NMNAT3: variants seen among roughly 807,000 people sequenced by gnomAD.
NMNAT3 encodes the protein nicotinamide/nicotinic acid mononucleotide adenylyltransferase 3.
Under a neutral mutation model 24.8 loss-of-function variants are expected in NMNAT3, and 21 were observed. The observed-to-expected ratio is 0.85, with a 90% CI of 0.60 to 1.22. NMNAT3 has a LOEUF of 1.22. Ranked by LOEUF, NMNAT3 falls within the 50% of genes most tolerant of loss-of-function variation. The pLI is 0.00. For missense variants in NMNAT3, 387 were observed against 436.6 expected (o/e 0.89, Z 1.01); for synonymous variants, 136 against 155.2 (o/e 0.88, Z 0.92).
chr3:139,576,189 C>T, intron 5 of NMNAT3: 1 of 985,376 alleles, frequency 1.0e-6, no homozygotes, highest in African/African-American at 1.7e-5. Flanking sequence ...GGATTTCTAC[C>T]ATGCTTCTAA....
chr3:139,647,885 A>G (rs2056921193), intron 1 of NMNAT3, among the ~76,000 whole-genome samples: 1 of 152,214 alleles, frequency 6.6e-6, no homozygotes, highest in African/African-American at 2.4e-5. Flanking sequence ...GCCACAGAAA[A>G]CTAATACACT....
At chr3:139,610,982 G>A (rs2055183832) in intron 3 of NMNAT3, among the ~76,000 whole-genome samples, 1 of 152,134 alleles carries the variant, frequency 6.6e-6, no homozygotes, top group Admixed American at 6.5e-5. Context: ...AGGAAAAACT[G>A]GGAGCCATAA....
chr3:139,621,309 T>C (rs2055761449), intron 3 of NMNAT3, among the ~76,000 whole-genome samples: 1 of 152,236 alleles, frequency 6.6e-6, no homozygotes. Context: ...TAATATTTCA[T>C]CCATATGTCT....
chr3:139,591,627 C>A (rs566459477), intron 3 of NMNAT3, among the ~76,000 whole-genome samples: 2 of 152,158 alleles, frequency 1.3e-5, no homozygotes, highest in Admixed American at 1.3e-4. Context: ...GATCTGAGAA[C>A]GGGCAGACTG....
intron 3 of NMNAT3, among the ~76,000 whole-genome samples, chr3:139,602,661 C>T (rs1254662999): frequency 6.6e-6 from 1 of 152,188 alleles, no homozygotes; most frequent in Non-Finnish European, 1.5e-5. Context: ...CACTTCCTTT[C>T]AGTCATCCAA....
At chr3:139,648,438 G>A (rs947010387) in intron 1 of NMNAT3, among the ~76,000 whole-genome samples, 2 of 152,194 alleles carry the variant, frequency 1.3e-5, no homozygotes, top group African/African-American at 2.4e-5. Flanking sequence ...TCTGGGCAGC[G>A]TCCCCTCCTG....
chr3:139,575,525 G>T (rs746126915), intron 5 of NMNAT3: 40 of 935,038 alleles, frequency 4.3e-5, no homozygotes, highest in Non-Finnish European at 5.1e-5. Flanking sequence ...ACATGAAAGA[G>T]CTTGGCACAC....
At chr3:139,642,935 C>T (rs2056754445) in intron 1 of NMNAT3, among the ~76,000 whole-genome samples, 1 of 152,160 alleles carries the variant, frequency 6.6e-6, no homozygotes, top group African/African-American at 2.4e-5. Context: ...CTAGAATGTC[C>T]TTTCCATCCA....
intron 3 of NMNAT3, among the ~76,000 whole-genome samples, chr3:139,602,266 C>T (rs2054751311): frequency 1.3e-5 from 2 of 152,162 alleles, no homozygotes; most frequent in African/African-American, 4.8e-5. Context: ...ATTCTTTAAG[C>T]ACATCTGATG....
chr3:139,654,228 G>C (rs2057159591), intron 1 of NMNAT3, among the ~76,000 whole-genome samples: 1 of 152,188 alleles, frequency 6.6e-6, no homozygotes, highest in Non-Finnish European at 1.5e-5. Context: ...CTTCAAACCA[G>C]GGGTCTGATT....
chr3:139,560,995 C>T lies in NMNAT3; in HGVS notation c.*15G>A. On this transcript the variant is annotated 3_prime_UTR_variant, in exon 7 of 7. Transcript: ENST00000643695. ...GAGCTTGTTGGAGGAGGTGTGGGTG[C>T]TGAGTCCCCCCTCCCTAGCTTGTCT... The T allele has an allele frequency of 1.3e-6, 2 of 1,599,920 alleles. No individual in the cohort carries two copies. Among genetic ancestry groups the T allele is most frequent in the Non-Finnish European group, 1.7e-6 (2 of 1,170,972 alleles).
At chr3:139,598,152 G>T (rs896883281) in intron 3 of NMNAT3, among the ~76,000 whole-genome samples, 1 of 152,160 alleles carries the variant, frequency 6.6e-6, no homozygotes, top group Admixed American at 6.5e-5. Context: ...CTCTGGCCTG[G>T]TAGGCTCACT....
At chr3:139,670,111 C>T (rs922824662) in intron 1 of NMNAT3, among the ~76,000 whole-genome samples, 2 of 152,178 alleles carry the variant, frequency 1.3e-5, no homozygotes, top group African/African-American at 4.8e-5. Context: ...ATGCAGTCTT[C>T]AATGTAGTGT....
At chr3:139,673,693 A>G (rs13074121) in intron 1 of NMNAT3, among the ~76,000 whole-genome samples, 62,581 of 151,728 alleles carry the variant, frequency 0.41, 13,108 homozygotes, top group Non-Finnish European at 0.45. Context: ...TGATGTGTGC[A>G]GACTCCATGA....
chr3:139,622,454 G>A (rs904855275), intron 3 of NMNAT3, among the ~76,000 whole-genome samples: 21 of 67,212 alleles, frequency 3.1e-4, no homozygotes, highest in Admixed American at 2.8e-3. Context: ...AGATAAACAC[G>A]CCAGGCACGG....
chr3:139,567,690 C>T (rs543070596), intron 6 of NMNAT3: 4 of 152,212 alleles, frequency 2.6e-5, no homozygotes, highest in Admixed American at 2.6e-4. Flanking sequence ...AGGGATGAAG[C>T]CCACTTGATC....
intron 3 of NMNAT3, among the ~76,000 whole-genome samples, chr3:139,623,220 C>T (rs192613167): frequency 9.9e-5 from 15 of 152,062 alleles, no homozygotes; most frequent in African/African-American, 3.6e-4. Flanking sequence ...TAAATGTTTA[C>T]TTTGTAAATT....
Position 139,575,764 on chromosome 3 carries a change from T to C in NMNAT3, c.576-2084A>G, listed in dbSNP as rs1359273406. Reference sequence around the variant, plus strand: ...CTGAGTGGTACCTTGGGCCTGTGGATTGACCCTGGGGGCATGTTCTTGGTG... The same window carrying C: ...CTGAGTGGTACCTTGGGCCTGTGGACTGACCCTGGGGGCATGTTCTTGGTG... On this transcript the variant is annotated intron_variant, in intron 5 of 6. Coordinates refer to ENST00000643695, the MANE Select transcript of NMNAT3 (RefSeq NM_001320510.2). 1.5e-5 allele frequency: 17 copies of C among 1,131,190 alleles called. No homozygotes were observed. The Middle Eastern group carries it at 1.6e-3, about 103-fold the overall frequency. 70.1% of individuals were successfully genotyped at this position (1,131,190 alleles called of 1,614,324 possible). A position where few individuals can be genotyped will look rare whatever the true frequency, so the allele number is the denominator to read the frequency against.
At chr3:139,584,573 T>C (rs2108133186) in intron 3 of NMNAT3, 1 of 152,380 alleles carries the variant, frequency 6.6e-6, no homozygotes, top group East Asian at 1.9e-4. Flanking sequence ...GATGTCTGTT[T>C]TGATCCATGA....
Sources: gnomAD v4.1 joint callset for allele counts (sites outside exome capture counted in the v4.1 genomes callset) on GRCh38, gnomAD v4.1.1 for gene constraint, MANE v1.5 for transcripts, NCBI Gene and HGNC (gene_info 2026-07-23, HGNC 2026-07-21) for gene names.